The following ASB11 variants were observed in gnomAD, a reference collection of about 807,000 sequenced individuals.
ASB11 encodes ankyrin repeat and SOCS box protein 11.
Under a neutral mutation model 20.1 loss-of-function variants are expected in ASB11, and 17 were observed. The observed-to-expected ratio is 0.85, with a 90% CI of 0.58 to 1.27. The LOEUF is 1.27. Ranked by LOEUF, ASB11 falls within the 50% of genes most tolerant of loss-of-function variation. The probability of loss-of-function intolerance (pLI) is 0.00; values close to 1 mark genes in which losing one functional copy is unlikely to be tolerated. For missense variants in ASB11, 259 were observed against 256.9 expected, an observed-to-expected ratio of 1.01 and a Z score of -0.06; for synonymous variants, 107 against 105.6, an observed-to-expected ratio of 1.01 and a Z score of -0.08.
intron 1 of ASB11, among the ~76,000 whole-genome samples, chrX:15,308,298 G>A (rs1921309370): frequency 8.9e-6 from 1 of 112,076 alleles, no homozygotes; most frequent in South Asian, 3.8e-4. Flanking sequence ...ATCCTCTGAT[G>A]TCCCCAACTC....
intron 6 of ASB11, among the ~76,000 whole-genome samples, 180 bp downstream of exon 6, chrX:15,287,701 G>A (rs1445159965): frequency 8.9e-6 from 1 of 112,839 alleles, no homozygotes; most frequent in South Asian, 3.6e-4. Context: ...TTGGTTGTTA[G>A]TGAATATACA....
chrX:15,312,670 G>C (rs568248084), intron 1 of ASB11, among the ~76,000 whole-genome samples: 1 of 111,649 alleles, frequency 9.0e-6, no homozygotes, highest in Non-Finnish European at 1.9e-5. Flanking sequence ...TGGGACTTTT[G>C]TAAGTCAATT....
intron 1 of ASB11, among the ~76,000 whole-genome samples, chrX:15,306,530 C>T (rs1921252123): frequency 9.1e-6 from 1 of 110,128 alleles, no homozygotes; most frequent in African/African-American, 3.3e-5. Context: ...ACATGAAACC[C>T]CATCTCTACT....
rs745742105 is a variant in ASB11 at position 15,293,267 on chromosome X, G to A, written c.423C>T (p.Ser141=). The part of the protein sequence containing the change: ...GATPLFNACC[S]GSAACVNVLL... Reference sequence around the variant, plus strand: ...GCACATTGACACATGCAGCACTGCCGCTGCAGCAAGCATTGAAGAGGGGTG... The same window carrying A: ...GCACATTGACACATGCAGCACTGCCACTGCAGCAAGCATTGAAGAGGGGTG... The change falls in exon 4 of 7, where the codon AGC becomes AGT. Residue 141 remains serine, a synonymous_variant. Transcript: ENST00000480796. 5.8e-6 allele frequency: 7 copies of A among 1,209,677 alleles called. No individual in the cohort carries two copies. Among genetic ancestry groups the A allele is most frequent in the East Asian group, 3.0e-5 (1 of 33,749 alleles).
rs754227640 is a variant in ASB11, at chrX:15,282,977, C to T, written c.*528G>A. ...GCATGTGTGTGTGTGTATATATATA[C>T]GTATATATATATACGTATATGTATG... On this transcript the variant is annotated 3_prime_UTR_variant, in exon 7 of 7. Coordinates refer to ENST00000480796, the MANE Select transcript of ASB11 (RefSeq NM_080873.3). The T allele has an allele frequency of 3.1e-5, 3 of 97,600 alleles. No individual in the cohort carries two copies. Among genetic ancestry groups the T allele is most frequent in the Non-Finnish European group, 6.0e-5 (3 of 50,091 alleles). The allele number at this position is 97,600 out of a possible 1,213,427, so 8.0% of individuals were successfully genotyped here. A position where few individuals can be genotyped will look rare whatever the true frequency, so the allele number is the denominator to read the frequency against.
intron 4 of ASB11, among the ~76,000 whole-genome samples, chrX:15,290,337 C>T (rs1222380878): frequency 8.9e-6 from 1 of 111,829 alleles, no homozygotes; most frequent in Non-Finnish European, 1.9e-5. Context: ...AGTGCTCAAA[C>T]CCAAGAGAAC....
At chrX:15,284,822 T>C (rs1264812368) in intron 6 of ASB11, among the ~76,000 whole-genome samples, 2 of 112,113 alleles carry the variant, frequency 1.8e-5, no homozygotes, top group Non-Finnish European at 3.8e-5. Flanking sequence ...ACCTAATTAC[T>C]GGTCTACACA....
intron 3 of ASB11, among the ~76,000 whole-genome samples, chrX:15,295,391 G>A (rs149039963): frequency 0.039 from 4,363 of 112,066 alleles, 216 homozygotes; most frequent in African/African-American, 0.13. Context: ...GACTATGGGA[G>A]TAGGATAAAG....
At chrX:15,295,880 A>G (rs976070854) in intron 3 of ASB11, among the ~76,000 whole-genome samples, 53 of 111,949 alleles carry the variant, frequency 4.7e-4, no homozygotes, top group African/African-American at 1.6e-3. Context: ...GCTCTCACAC[A>G]GCCTTCCTTC....
At chrX:15,304,313 T>C (rs1266486682) in intron 1 of ASB11, among the ~76,000 whole-genome samples, 1 of 112,555 alleles carries the variant, frequency 8.9e-6, no homozygotes, top group East Asian at 2.8e-4. Flanking sequence ...TGAAACTCAA[T>C]GTATGAACTT....
chrX:15,283,519 G>A lies in ASB11; in HGVS notation c.958C>T (p.Leu320Phe), dbSNP rs145057594. Reference protein sequence around the residue: ...LHLPEPLERFLLYQ With the variant: ...LHLPEPLERFFLYQ Reference sequence around the variant, plus strand: ...AACACTTAGGACTATTGGTATAGGAGGAATCGTTCGAGTGGCTCTGGCAGA... The same window carrying A: ...AACACTTAGGACTATTGGTATAGGAAGAATCGTTCGAGTGGCTCTGGCAGA... Residue 320 changes from leucine (L) to phenylalanine (F), a missense_variant, in exon 7 of 7, where the codon CTC (leucine) becomes TTC (phenylalanine). Transcript: ENST00000480796. The A allele has an allele frequency of 2.5e-6, 3 of 1,211,343 alleles. No homozygotes were observed. The highest frequency in any genetic ancestry group is 3.4e-6 in the Non-Finnish European group (3 of 895,171).
intron 6 of ASB11, among the ~76,000 whole-genome samples, chrX:15,283,981 G>A (rs766988468): frequency 9.0e-6 from 1 of 111,180 alleles, no homozygotes; most frequent in East Asian, 2.8e-4. Flanking sequence ...GGCCAGGCAC[G>A]GTGGCTCACG....
At chrX:15,284,001 C>G (rs772885150) in intron 6 of ASB11, among the ~76,000 whole-genome samples, 1 of 110,484 alleles carries the variant, frequency 9.1e-6, no homozygotes, top group African/African-American at 3.3e-5. Flanking sequence ...GCCTGTAATC[C>G]CAGCACTTTG....
At chrX:15,313,329 G>A (rs916839030) in intron 1 of ASB11, among the ~76,000 whole-genome samples, 3 of 110,917 alleles carry the variant, frequency 2.7e-5, no homozygotes, top group Non-Finnish European at 3.8e-5. Context: ...AACCCCAGAG[G>A]AGGAGGTTGC....
At chrX:15,309,276 C>T (rs1489203060) in intron 1 of ASB11, among the ~76,000 whole-genome samples, 1 of 108,725 alleles carries the variant, frequency 9.2e-6, no homozygotes, top group East Asian at 2.9e-4. Flanking sequence ...GCTCTGCCTC[C>T]TGTCAGATCA....
intron 1 of ASB11, chrX:15,314,575 C>A: frequency 1.0e-6 from 1 of 1,003,129 alleles, no homozygotes; most frequent in Non-Finnish European, 1.3e-6. Context: ...ATTGGAATCA[C>A]ATAAGACTAT....
intron 1 of ASB11, among the ~76,000 whole-genome samples, chrX:15,306,678 G>A (rs1014838332): frequency 1.8e-5 from 2 of 110,563 alleles, no homozygotes; most frequent in Non-Finnish European, 3.8e-5. Context: ...ACTCCAGCTT[G>A]GGTGACACAG....
chrX:15,297,761 C>G, intron 2 of ASB11, 80 bp from the exon 3 acceptor site: 1 of 940,953 alleles, frequency 1.1e-6, no homozygotes. Flanking sequence ...GTCTCAAACT[C>G]CTGGCCTCAA....
intron 1 of ASB11, among the ~76,000 whole-genome samples, chrX:15,308,833 C>T (rs897498565): frequency 8.9e-6 from 1 of 111,760 alleles, no homozygotes; most frequent in African/African-American, 3.3e-5. Context: ...ATCAGGGGTC[C>T]CTAACCCCTG....
Sources: gnomAD v4.1 joint callset for allele counts (sites outside exome capture counted in the v4.1 genomes callset) on GRCh38, gnomAD v4.1.1 for gene constraint, MANE v1.5 for transcripts, NCBI Gene and HGNC (gene_info 2026-07-23, HGNC 2026-07-21) for gene names.